RAD52: variants seen among roughly 807,000 people sequenced by gnomAD.
The protein encoded by RAD52 is RAD52 DNA repair protein.
RAD52 carries 47 observed loss-of-function variants against 55.5 expected under a neutral mutation model. The observed-to-expected ratio is 0.85, with a 90% CI of 0.67 to 1.08. The LOEUF is 1.08. RAD52 is among the 50% of genes least tolerant of loss of function. RAD52 has a pLI of 0.00. For missense variants in RAD52, 468 were observed against 522.8 expected (o/e 0.90, Z 1.02); for synonymous variants, 184 against 198.9 (o/e 0.92, Z 0.63).
At chr12:922,105 A>G (rs1956760418) in intron 7 of RAD52, among the ~76,000 whole-genome samples, 1 of 145,736 alleles carries the variant, frequency 6.9e-6, no homozygotes, top group African/African-American at 2.6e-5. Context: ...ATTCTGTCTC[A>G]AAAAAGAAAA....
chr12:957,376 T>C (rs571848384), intron 1 of RAD52, among the ~76,000 whole-genome samples: 1 of 145,300 alleles, frequency 6.9e-6, no homozygotes, highest in Admixed American at 7.3e-5. Flanking sequence ...GGCAGGAGAA[T>C]CGCTTAAGCC....
intron 1 of RAD52, among the ~76,000 whole-genome samples, chr12:978,559 G>C (rs1212616379): frequency 6.6e-6 from 1 of 152,094 alleles, no homozygotes; most frequent in East Asian, 1.9e-4. Context: ...CTAGCATTTT[G>C]GGAGTCCAAG....
At position 965,141 on chromosome 12, in the gene RAD52, G is replaced by A. The variant is rs143098769; in HGVS notation, c.-19+24668C>T. ...AGTACAGGTGCGCACCACCACGCCC[G>A]GCTAATTTTTGTATTTTTAGTAGAG... is the stretch of plus-strand genomic sequence containing the variant. On this transcript the variant is annotated intron_variant, in intron 1 of 11. Coordinates refer to the RAD52 transcript ENST00000430095. 2.2e-3 allele frequency among the ~76,000 whole-genome samples: 339 copies of A among 151,798 alleles called. 4 individuals are homozygous for A. The highest frequency in any genetic ancestry group is 7.5e-3 in the African/African-American group (309 of 41,272).
At chr12:970,775 C>G (rs111515038) in intron 1 of RAD52, among the ~76,000 whole-genome samples, 3,142 of 152,176 alleles carry the variant, frequency 0.021, 37 homozygotes, top group Middle Eastern at 0.096. Context: ...GAAAGTGAAC[C>G]AACAACCGAG....
chr12:923,302 G>A lies in RAD52; in HGVS notation c.543+2148C>T, dbSNP rs545143204. On this transcript the variant is annotated intron_variant, in intron 7 of 11. Coordinates refer to ENST00000358495, the MANE Select transcript of RAD52 (RefSeq NM_134424.4). ...ACGCTGCAATCCCAGCGCTTTGGGA[G>A]GCCGAGGCAGGAGGATCACATGAGC... 1.1e-4 allele frequency among the ~76,000 whole-genome samples: 16 copies of A among 152,038 alleles called. No individual in the cohort carries two copies. In the East Asian group the frequency reaches 3.1e-3, roughly 29 times the overall value.
intron 1 of RAD52, among the ~76,000 whole-genome samples, chr12:972,724 C>T (rs1301500888): frequency 1.3e-5 from 2 of 148,250 alleles, no homozygotes; most frequent in African/African-American, 2.5e-5. Context: ...TGAGATAGCA[C>T]CACTGCACTC....
intron 6 of RAD52, 110 bp downstream of exon 6, chr12:927,035 G>T: frequency 6.6e-7 from 1 of 1,522,112 alleles, no homozygotes. Flanking sequence ...CTTCCACGCT[G>T]CTTGGATTTT....
At chr12:942,864 C>G (rs1957993634) in intron 1 of RAD52, among the ~76,000 whole-genome samples, 1 of 151,922 alleles carries the variant, frequency 6.6e-6, no homozygotes, top group Non-Finnish European at 1.5e-5. Context: ...TAAGAGAAAA[C>G]TGATTACATC....
intron 1 of RAD52, among the ~76,000 whole-genome samples, chr12:981,254 G>A (rs961808888): frequency 2.0e-5 from 3 of 151,978 alleles, no homozygotes; most frequent in Non-Finnish European, 2.9e-5. Flanking sequence ...GATCACTTGA[G>A]CCAGGGAGGC....
chr12:918,412 T>C (rs1956526716), intron 7 of RAD52, among the ~76,000 whole-genome samples: 2 of 152,142 alleles, frequency 1.3e-5, no homozygotes, highest in Admixed American at 1.3e-4. Flanking sequence ...TGTTTTGTTT[T>C]TTGAGAGAGG....
chr12:949,839 A>G (rs965432605), upstream of RAD52: 1 of 151,846 alleles, frequency 6.6e-6, no homozygotes, highest in Non-Finnish European at 1.5e-5. Flanking sequence ...CGGCAGCCGT[A>G]AAGCAACCTG....
At chr12:943,218 G>T (rs919490270) in intron 1 of RAD52, among the ~76,000 whole-genome samples, 3 of 152,146 alleles carry the variant, frequency 2.0e-5, no homozygotes, top group African/African-American at 7.2e-5. Flanking sequence ...CTGTTGGCAG[G>T]AAACAGGCTG....
intron 1 of RAD52, among the ~76,000 whole-genome samples, chr12:972,844 T>A (rs551313311): frequency 6.8e-5 from 10 of 146,256 alleles, no homozygotes; most frequent in Admixed American, 6.8e-4. Context: ...AGTAGGGAAA[T>A]TGGGGCAACT....
intron 7 of RAD52, among the ~76,000 whole-genome samples, chr12:917,210 G>A (rs747095621): frequency 6.6e-6 from 1 of 152,184 alleles, no homozygotes. Context: ...GCTCGTCACT[G>A]AGGGAGCCTC....
chr12:986,085 C>T (rs966338564), intron 1 of RAD52, among the ~76,000 whole-genome samples: 2 of 152,070 alleles, frequency 1.3e-5, no homozygotes, highest in Non-Finnish European at 2.9e-5. Context: ...CAGGCATGTG[C>T]CACCATGTCT....
At chr12:963,988 AGT>A (rs2154120815) in intron 1 of RAD52, among the ~76,000 whole-genome samples, 1 of 152,252 alleles carries the variant, frequency 6.6e-6, no homozygotes, top group Non-Finnish European at 1.5e-5. Context: ...AGGGGGGAAG[AGT>A]GTTCCAGACA....
intron 1 of RAD52, among the ~76,000 whole-genome samples, chr12:948,668 T>A (rs11571388): frequency 0.63 from 95,407 of 151,930 alleles, 30,051 homozygotes; most frequent in South Asian, 0.7. Context: ...CACTTTTTTT[T>A]AAAAAAGGGA....
chr12:984,945 G>T (rs144401483), intron 1 of RAD52, among the ~76,000 whole-genome samples: 1 of 151,976 alleles, frequency 6.6e-6, no homozygotes, highest in African/African-American at 2.4e-5. Flanking sequence ...GATTATAGGC[G>T]TGAGCCACCG....
At chr12:990,359 A>AAAAAAAAAC (rs1565722052), upstream of RAD52, 1 of 151,936 alleles carries the variant, frequency 6.6e-6, no homozygotes. Flanking sequence ...TGGCTCCAAA[A>AAAAAAAAAC]AAAAAACAAA....
Sources: allele counts gnomAD v4.1 joint callset (sites outside exome capture counted in the v4.1 genomes callset), GRCh38; gene constraint gnomAD v4.1.1; transcripts MANE v1.5; gene names NCBI Gene and HGNC (gene_info 2026-07-23, HGNC 2026-07-21).